KCNH8: variants seen among roughly 807,000 people sequenced by gnomAD.
KCNH8 encodes potassium voltage-gated channel subfamily H member 8, also known as voltage-gated delayed rectifier potassium channel KCNH8.
In KCNH8, 70 loss-of-function variants were observed where a neutral mutation model predicts 103.6. The ratio of observed to expected loss-of-function variants is 0.68; its 90% CI spans 0.56 to 0.82. KCNH8 has a LOEUF of 0.82. Ranked by LOEUF, KCNH8 falls within the 40% of genes least tolerant of loss-of-function variation. KCNH8 has a pLI of 0.00. For synonymous variants in KCNH8, 498 were observed against 489.4 expected (o/e 1.02, Z -0.23); for missense variants, 1,217 against 1,329.9 (o/e 0.92, Z 1.32).
chr3:19,464,037 A>G (rs1356979813), intron 11 of KCNH8, among the ~76,000 whole-genome samples: 1 of 152,156 alleles, frequency 6.6e-6, no homozygotes. Context: ...ATTATAAACT[A>G]AAATACCAGA....
chr3:19,339,221 T>C (rs1436248393), intron 3 of KCNH8, among the ~76,000 whole-genome samples: 1 of 152,144 alleles, frequency 6.6e-6, no homozygotes, highest in African/African-American at 2.4e-5. Context: ...ATTGCAATTA[T>C]TTGATTTGGA....
At chr3:19,293,275 A>C (rs1201206207) in intron 3 of KCNH8, among the ~76,000 whole-genome samples, 1 of 152,152 alleles carries the variant, frequency 6.6e-6, no homozygotes, top group Non-Finnish European at 1.5e-5. Context: ...CCTCCAAGGA[A>C]ACAAGTGAGA....
In KCNH8 at chr3:19,438,220, T is replaced by C. The variant is rs760640515; in HGVS notation, c.1234T>C (p.Leu412=). 39 of 1,613,950 alleles carry C rather than the reference T, an allele frequency of 2.4e-5. 1 individual carries two copies. The South Asian group carries it at 3.8e-4, about 16-fold the overall frequency. The stretch of plus-strand genomic sequence containing the variant: ...ATCTCCATACTATGGCAACAATACC[T>C]TGGGGGGCCCGTCGATCCGAAGTGC... ...LESPYYGNNT[L]GGPSIRSAYI... is the part of the protein sequence containing the mutation. The change falls in exon 8 of 16, where the codon TTG becomes CTG. Residue 412 remains leucine, a synonymous_variant. Transcript: ENST00000328405.
chr3:19,178,097 G>C (rs2063417730), intron 1 of KCNH8, among the ~76,000 whole-genome samples: 1 of 152,154 alleles, frequency 6.6e-6, no homozygotes, highest in Non-Finnish European at 1.5e-5. Flanking sequence ...GCACAGGGAA[G>C]TAAATGCAGT....
intron 6 of KCNH8, among the ~76,000 whole-genome samples, chr3:19,394,496 AG>A: frequency 6.6e-6 from 1 of 151,808 alleles, no homozygotes; most frequent in Non-Finnish European, 1.5e-5. Flanking sequence ...AAAGAGAGAG[AG>A]AGAGAGAGAG....
chr3:19,411,037 C>A (rs903485992), intron 7 of KCNH8, among the ~76,000 whole-genome samples: 2 of 151,928 alleles, frequency 1.3e-5, no homozygotes, highest in Non-Finnish European at 2.9e-5. Flanking sequence ...CACCCTAATA[C>A]CAAAACCTGG....
intron 7 of KCNH8, among the ~76,000 whole-genome samples, chr3:19,419,305 T>G (rs1312315598): frequency 6.8e-6 from 1 of 147,064 alleles, no homozygotes; most frequent in Non-Finnish European, 1.5e-5. Flanking sequence ...GTTCACGCCA[T>G]TCTCCTGCCT....
chr3:19,344,589 G>A (rs921991262), intron 4 of KCNH8, among the ~76,000 whole-genome samples: 3 of 152,008 alleles, frequency 2.0e-5, no homozygotes, highest in African/African-American at 7.2e-5. Flanking sequence ...TATGGAATCA[G>A]GACTTGCCCT....
In KCNH8 at chr3:19,253,711, GT is replaced by G; in HGVS notation, c.136del (p.Ser46ProfsTer34). On this transcript the variant is annotated frameshift_variant, in exon 2 of 16. Transcript: ENST00000328405. LOFTEE classifies it high-confidence loss of function. ...GCTAAGGGTTTCCCCATAGTCTACT[GT>G]TCCGATGGCTTCTGCGAGCTTGCTG... ...QVAKGFPIVY[C>X]SDGFCELAGF... 6.2e-7 allele frequency: 1 copy of G among 1,613,714 alleles called. No homozygotes were observed. The highest frequency in any genetic ancestry group is 8.5e-7 in the Non-Finnish European group (1 of 1,179,914).
chr3:19,405,983 A>C (rs1426548991), intron 7 of KCNH8, among the ~76,000 whole-genome samples: 1 of 152,026 alleles, frequency 6.6e-6, no homozygotes, highest in Non-Finnish European at 1.5e-5. Flanking sequence ...GATCCTGGTA[A>C]ACAAAACACA....
At chr3:19,253,931 C>T (rs1188581563) in intron 2 of KCNH8, 44 bp downstream of exon 2, 1 of 1,381,456 alleles carries the variant, frequency 7.2e-7, no homozygotes. Flanking sequence ...TAGTGAGAGG[C>T]CGTCTTCTTT....
At chr3:19,213,255 CT>C (rs1288366028) in intron 1 of KCNH8, among the ~76,000 whole-genome samples, 1 of 152,110 alleles carries the variant, frequency 6.6e-6, no homozygotes, top group Non-Finnish European at 1.5e-5. Flanking sequence ...GCAATCCTAT[CT>C]TTTTTAATAG....
intron 11 of KCNH8, among the ~76,000 whole-genome samples, chr3:19,466,511 T>C (rs2125197221): frequency 6.6e-6 from 1 of 152,066 alleles, no homozygotes; most frequent in East Asian, 1.9e-4. Flanking sequence ...TTTCAGAAAT[T>C]GCTGCAGCCA....
rs1416031134 is a variant in KCNH8 at position 19,279,522 on chromosome 3, T to C, written c.311-1676T>C. 1.2e-4 allele frequency among the ~76,000 whole-genome samples: 18 copies of C among 149,332 alleles called. No individual in the cohort carries two copies. In the Admixed American group the frequency reaches 1.2e-3, roughly 10 times the overall value. ...ATGAGCTATTGAAATGAGATTGCCA[T>C]GGCATAGATATTGGGGCAGATGAAT... On this transcript the variant is annotated intron_variant, in intron 2 of 15. Transcript: ENST00000328405.
At chr3:19,525,222 TAAAA>T (rs538054814) in intron 15 of KCNH8, among the ~76,000 whole-genome samples, 45 of 151,724 alleles carry the variant, frequency 3.0e-4, no homozygotes, top group African/African-American at 8.4e-4. Flanking sequence ...AAAATCAAAA[TAAAA>T]AAAGAAATTT....
intron 10 of KCNH8, among the ~76,000 whole-genome samples, chr3:19,452,414 G>T (rs2067462629): frequency 6.6e-6 from 1 of 152,054 alleles, no homozygotes; most frequent in African/African-American, 2.4e-5. Context: ...ATTTTTGTTT[G>T]TTTATTCACC....
intron 1 of KCNH8, among the ~76,000 whole-genome samples, chr3:19,239,463 C>T (rs1559437486): frequency 6.6e-6 from 1 of 152,094 alleles, no homozygotes; most frequent in South Asian, 2.1e-4. Context: ...CTGACTTATC[C>T]AAATATCTCA....
At chr3:19,360,062 G>T (rs1407755168) in intron 5 of KCNH8, among the ~76,000 whole-genome samples, 1 of 151,890 alleles carries the variant, frequency 6.6e-6, no homozygotes. Context: ...AAAAGCATGA[G>T]CAAAAGCCTA....
chr3:19,267,781 C>A (rs1477057319), intron 2 of KCNH8, among the ~76,000 whole-genome samples: 2 of 152,134 alleles, frequency 1.3e-5, no homozygotes, highest in African/African-American at 4.8e-5. Context: ...TCAGAGTCTA[C>A]ATTCATATCT....
Sources: gnomAD v4.1 joint callset for allele counts (sites outside exome capture counted in the v4.1 genomes callset) on GRCh38, gnomAD v4.1.1 for gene constraint, MANE v1.5 for transcripts, NCBI Gene and HGNC (gene_info 2026-07-23, HGNC 2026-07-21) for gene names.